PTPRD: variants seen among roughly 807,000 people sequenced by gnomAD.
PTPRD encodes the protein protein tyrosine phosphatase receptor type D.
PTPRD carries 34 observed loss-of-function variants against 214.5 expected under a neutral mutation model. The ratio of observed to expected loss-of-function variants is 0.16; its 90% confidence interval spans 0.12 to 0.21. The LOEUF is 0.21. Ranked by LOEUF, PTPRD falls within the 10% of genes least tolerant of loss-of-function variation. The probability of loss-of-function intolerance (pLI) is 1.00; values close to 1 mark genes in which losing one functional copy is unlikely to be tolerated. For missense variants in PTPRD, 2,545 were observed against 2,398.7 expected, an observed-to-expected ratio of 1.06 and a Z score of -1.27; for synonymous variants, 1,128 against 845.7, an observed-to-expected ratio of 1.33 and a Z score of -5.79.
chr9:10,374,538 C>T (rs2097691443), intron 2 of PTPRD, among the ~76,000 whole-genome samples: 1 of 151,996 alleles, frequency 6.6e-6, no homozygotes, highest in Non-Finnish European at 1.5e-5. Flanking sequence ...GAGCCACACT[C>T]AGATGCCTCA....
intron 14 of PTPRD, among the ~76,000 whole-genome samples, chr9:8,624,079 T>C (rs1011279971): frequency 6.6e-6 from 1 of 151,876 alleles, no homozygotes; most frequent in Non-Finnish European, 1.5e-5. Flanking sequence ...ACAGAAATAA[T>C]ATTCTAGTAC....
chr9:9,359,452 A>T (rs927487538), intron 9 of PTPRD, among the ~76,000 whole-genome samples: 1 of 151,272 alleles, frequency 6.6e-6, no homozygotes, highest in Non-Finnish European at 1.5e-5. Flanking sequence ...CTCTCTTTTC[A>T]TCTCTGTCCT....
intron 2 of PTPRD, among the ~76,000 whole-genome samples, chr9:10,572,425 T>A (rs1412472816): frequency 1.3e-5 from 2 of 152,178 alleles, no homozygotes; most frequent in Non-Finnish European, 2.9e-5. Flanking sequence ...GGACAAATCA[T>A]CTCAATATCA....
chr9:10,412,333 G>A (rs1000891443), intron 2 of PTPRD, among the ~76,000 whole-genome samples: 29 of 151,538 alleles, frequency 1.9e-4, no homozygotes, highest in Non-Finnish European at 3.4e-4. Context: ...ACAAATTCCT[G>A]GACACACTCA....
At chr9:10,024,806 G>C (rs1198340201) in intron 4 of PTPRD, among the ~76,000 whole-genome samples, 2 of 111,642 alleles carry the variant, frequency 1.8e-5, no homozygotes, top group Non-Finnish European at 3.4e-5. Flanking sequence ...ACAGGCCCCA[G>C]TGTGTGATGT....
At chr9:9,457,103 G>T (rs1443505213) in intron 8 of PTPRD, among the ~76,000 whole-genome samples, 1 of 151,900 alleles carries the variant, frequency 6.6e-6, no homozygotes, top group Admixed American at 6.6e-5. Context: ...CAGCAATAGG[G>T]TAGTGAGTAA....
intron 11 of PTPRD, among the ~76,000 whole-genome samples, chr9:9,018,330 A>T (rs2099545039): frequency 6.6e-6 from 1 of 152,190 alleles, no homozygotes; most frequent in Non-Finnish European, 1.5e-5. Flanking sequence ...GGTCACACTA[A>T]GACAATTTTT....
At chr9:9,609,333 G>T (rs527420956) in intron 7 of PTPRD, among the ~76,000 whole-genome samples, 5 of 151,950 alleles carry the variant, frequency 3.3e-5, no homozygotes, top group African/African-American at 1.2e-4. Flanking sequence ...TAGAAATTTG[G>T]AATCTTTCTT....
At chr9:8,993,027 T>C (rs9299084) in intron 11 of PTPRD, among the ~76,000 whole-genome samples, 55,195 of 152,062 alleles carry the variant, frequency 0.36, 10,359 homozygotes, top group Non-Finnish European at 0.42. Flanking sequence ...GGAATTCTCT[T>C]GACTAACTAC....
intron 11 of PTPRD, among the ~76,000 whole-genome samples, chr9:8,993,290 G>A (rs2099384695): frequency 6.6e-6 from 1 of 152,062 alleles, no homozygotes; most frequent in Non-Finnish European, 1.5e-5. Flanking sequence ...TGTAGAATGA[G>A]TTTAATAACA....
intron 26 of PTPRD, 148 bp from the exon 27 acceptor site, chr9:8,493,127 C>T (rs1052339358): frequency 7.8e-6 from 5 of 643,424 alleles, no homozygotes; most frequent in Middle Eastern, 4.4e-4. Context: ...TGAGCTCATG[C>T]TATGGAGATC....
intron 3 of PTPRD, among the ~76,000 whole-genome samples, chr9:10,215,448 C>A (rs896174070): frequency 6.6e-6 from 1 of 152,024 alleles, no homozygotes; most frequent in Non-Finnish European, 1.5e-5. Context: ...TAAATTTAAC[C>A]TCGTGAGACA....
intron 11 of PTPRD, among the ~76,000 whole-genome samples, chr9:8,937,074 T>C (rs866227133): frequency 7.3e-5 from 2 of 27,422 alleles, no homozygotes; most frequent in Non-Finnish European, 1.9e-4. Context: ...TATTAGAGAA[T>C]AGAAATGGTA....
chr9:9,139,786 C>T (rs566230583), intron 10 of PTPRD, among the ~76,000 whole-genome samples: 312 of 152,228 alleles, frequency 2.0e-3, no homozygotes, highest in African/African-American at 7.2e-3. Flanking sequence ...AAAGTGCAAC[C>T]ACGGCTGAGA....
At chr9:10,491,876 A>G (rs561774193) in intron 2 of PTPRD, among the ~76,000 whole-genome samples, 1 of 152,120 alleles carries the variant, frequency 6.6e-6, no homozygotes, top group African/African-American at 2.4e-5. Context: ...CCCACACCCC[A>G]CAACAGGCCC....
rs191998423 is a variant in PTPRD at position 8,973,193 on chromosome 9, T to G, written c.-104+45504A>C. On this transcript the variant is annotated intron_variant, in intron 11 of 45. Transcript: ENST00000381196. ...TGTGAGCATAATACTCAATAGGTAG[T>G]TTTTCAACCCACTCCCTCCTCCTTC... 2.9e-3 allele frequency among the ~76,000 whole-genome samples: 438 copies of G among 151,976 alleles called. 2 individuals carry two copies. The highest frequency in any genetic ancestry group is 0.01 in the African/African-American group (423 of 41,498).
chr9:10,223,435 C>T (rs2099577932), intron 3 of PTPRD, among the ~76,000 whole-genome samples: 5 of 151,824 alleles, frequency 3.3e-5, no homozygotes, highest in South Asian at 4.1e-4. Context: ...GATTCTGAGG[C>T]GGGCAGATCA....
At chr9:10,390,321 C>T (rs2098032121) in intron 2 of PTPRD, among the ~76,000 whole-genome samples, 1 of 151,796 alleles carries the variant, frequency 6.6e-6, no homozygotes, top group Non-Finnish European at 1.5e-5. Context: ...ATAATCAATA[C>T]ACCACAGACA....
At chr9:8,528,130 A>T (rs1019946765) in intron 15 of PTPRD, 4 of 297,552 alleles carry the variant, frequency 1.3e-5, no homozygotes, top group Non-Finnish European at 2.4e-5. Flanking sequence ...AGCAGAAAAC[A>T]TACTTTAATA....
Sources: gnomAD v4.1 joint callset for allele counts (sites outside exome capture counted in the v4.1 genomes callset) on GRCh38, gnomAD v4.1.1 for gene constraint, MANE v1.5 for transcripts, NCBI Gene and HGNC (gene_info 2026-07-23, HGNC 2026-07-21) for gene names.